The following MINDY2 variants were observed in gnomAD, a reference collection of about 807,000 sequenced individuals.
The protein encoded by MINDY2 is ubiquitin carboxyl-terminal hydrolase MINDY-2.
MINDY2 carries 52 observed loss-of-function variants against 68.2 expected under a neutral mutation model. That is an observed-to-expected ratio of 0.76 (90% CI 0.61 to 0.96). MINDY2 has a LOEUF of 0.96. Ranked by LOEUF, MINDY2 falls within the 40% of genes least tolerant of loss-of-function variation. The pLI, the probability that MINDY2 is intolerant of heterozygous loss-of-function variation, is 0.00. For missense variants in MINDY2, 881 were observed against 773.4 expected, an observed-to-expected ratio of 1.14 and a Z score of -1.65; for synonymous variants, 372 against 303.0, an observed-to-expected ratio of 1.23 and a Z score of -2.36.
intron 8 of MINDY2, 74 bp downstream of exon 8, chr15:58,852,039 C>A: frequency 3.3e-6 from 4 of 1,204,162 alleles, no homozygotes; most frequent in South Asian, 3.2e-5. Flanking sequence ...GTATTCCCAG[C>A]CCTTTGGGAG....
chr15:58,846,269 T>C (rs546383345), intron 6 of MINDY2, among the ~76,000 whole-genome samples: 1 of 152,280 alleles, frequency 6.6e-6, no homozygotes, highest in East Asian at 1.9e-4. Flanking sequence ...TTTACCCTCA[T>C]GTGATTATTA....
At chr15:58,775,080 A>G (rs1387742827) in intron 1 of MINDY2, among the ~76,000 whole-genome samples, 1 of 152,198 alleles carries the variant, frequency 6.6e-6, no homozygotes, top group Non-Finnish European at 1.5e-5. Flanking sequence ...TATTTTTATG[A>G]TAATACTAAG....
At chr15:58,837,148 G>A (rs961697140) in intron 6 of MINDY2, among the ~76,000 whole-genome samples, 1 of 152,150 alleles carries the variant, frequency 6.6e-6, no homozygotes, top group Non-Finnish European at 1.5e-5. Context: ...AGAGGATTGT[G>A]CCTTTGTTCT....
intron 5 of MINDY2, among the ~76,000 whole-genome samples, chr15:58,824,619 A>C (rs2031271455): frequency 6.6e-6 from 1 of 152,044 alleles, no homozygotes; most frequent in Admixed American, 6.6e-5. Flanking sequence ...AAAAGACCGT[A>C]ATAGACATTT....
chr15:58,779,159 T>G (rs1166479880), intron 1 of MINDY2, among the ~76,000 whole-genome samples: 1 of 151,760 alleles, frequency 6.6e-6, no homozygotes, highest in Non-Finnish European at 1.5e-5. Context: ...CCTCCCAGAG[T>G]GCTGGGATTA....
intron 6 of MINDY2, among the ~76,000 whole-genome samples, chr15:58,842,288 G>T (rs1420425653): frequency 6.6e-6 from 1 of 152,064 alleles, no homozygotes; most frequent in Non-Finnish European, 1.5e-5. Context: ...CATAAACTCA[G>T]TCAGATGGTA....
At chr15:58,847,594 A>G in intron 7 of MINDY2, 124 bp downstream of exon 7, 1 of 727,620 alleles carries the variant, frequency 1.4e-6, no homozygotes, top group South Asian at 2.7e-5. Flanking sequence ...TTTTCCTGAC[A>G]CTTCCTGAAT....
At chr15:58,810,488 T>G in intron 4 of MINDY2, 100 bp downstream of exon 4, 1 of 1,219,156 alleles carries the variant, frequency 8.2e-7, no homozygotes, top group Non-Finnish European at 1.1e-6. Flanking sequence ...TTACTTTTTT[T>G]GTACTTTTGC....
intron 6 of MINDY2, among the ~76,000 whole-genome samples, chr15:58,843,172 C>G (rs1368390897): frequency 1.3e-5 from 2 of 152,094 alleles, no homozygotes; most frequent in Admixed American, 6.6e-5. Context: ...TGTTTTGAGA[C>G]AGAGTCTCGC....
At position 58,858,640 on chromosome 15, in the gene MINDY2, A is replaced by G. The variant is rs1312092760; in HGVS notation, c.*4030A>G. 2 of 152,140 alleles carry G rather than the reference A, an allele frequency of 1.3e-5. No homozygotes were observed. Among genetic ancestry groups the G allele is most frequent in the Non-Finnish European group, 2.9e-5 (2 of 68,002 alleles). 9.4% of individuals were successfully genotyped at this position (152,140 alleles called of 1,614,324 possible). On this transcript the variant is annotated 3_prime_UTR_variant, in exon 9 of 9. Transcript: ENST00000559228. Reference sequence around the variant, plus strand: ...GCTCATTTATTTAAGTTTTGTTAAAAAGCAAAAGCGAATTGATTACATTTG... The same window carrying G: ...GCTCATTTATTTAAGTTTTGTTAAAGAGCAAAAGCGAATTGATTACATTTG...
Position 58,856,929 on chromosome 15 carries a change from A to G in MINDY2, c.*2319A>G, listed in dbSNP as rs1193195584. ...TTACTATCTTCTTAATTTGTTCCAA[A>G]GAAAATGCTGCCATACTGCATTCCC... On this transcript the variant is annotated 3_prime_UTR_variant, in exon 9 of 9. Coordinates refer to ENST00000559228, the MANE Select transcript of MINDY2 (RefSeq NM_001040450.3). 1 of 152,246 alleles carries G rather than the reference A, an allele frequency of 6.6e-6. No homozygotes were observed. Among genetic ancestry groups the G allele is most frequent in the Non-Finnish European group, 1.5e-5 (1 of 68,040 alleles). The allele number at this position is 152,246 out of a possible 1,614,324, so 9.4% of individuals were successfully genotyped here. A position where few individuals can be genotyped will look rare whatever the true frequency, so the allele number is the denominator to read the frequency against.
At chr15:58,833,056 C>T (rs1325867507) in intron 6 of MINDY2, among the ~76,000 whole-genome samples, 1 of 152,052 alleles carries the variant, frequency 6.6e-6, no homozygotes, top group Non-Finnish European at 1.5e-5. Context: ...CTGTTTTACT[C>T]TTTTTATCTC....
At chr15:58,847,619 C>G (rs1444124585) in intron 7 of MINDY2, 149 bp downstream of exon 7, 4 of 595,744 alleles carry the variant, frequency 6.7e-6, no homozygotes, top group Non-Finnish European at 1.1e-5. Context: ...GGTGATCATT[C>G]TACATGTACA....
chr15:58,805,096 C>G (rs1372243118), intron 3 of MINDY2, among the ~76,000 whole-genome samples: 1 of 152,176 alleles, frequency 6.6e-6, no homozygotes, highest in East Asian at 1.9e-4. Context: ...AATATTGGCT[C>G]AAAGTTGAAA....
intron 4 of MINDY2, among the ~76,000 whole-genome samples, chr15:58,815,914 G>A (rs1005199606): frequency 4.6e-5 from 7 of 152,024 alleles, no homozygotes; most frequent in Admixed American, 1.3e-4. Context: ...TCTTGACCTC[G>A]TGATCCGTCT....
rs1330449279 is a variant in MINDY2 at position 58,857,913 on chromosome 15, A to G, written c.*3303A>G. On this transcript the variant is annotated 3_prime_UTR_variant, in exon 9 of 9. Transcript: ENST00000559228. ...TTAGTAACCAGTCTTTATTAAAAAT[A>G]TAAAATTTTTCTTCATGTCTAATCC... The G allele has an allele frequency of 6.6e-6, 1 of 152,156 alleles. No homozygotes were observed. Among genetic ancestry groups the G allele is most frequent in the Non-Finnish European group, 1.5e-5 (1 of 68,042 alleles). 9.4% of individuals were successfully genotyped at this position (152,156 alleles called of 1,614,324 possible). A position where few individuals can be genotyped will look rare whatever the true frequency, so the allele number is the denominator to read the frequency against.
intron 8 of MINDY2, among the ~76,000 whole-genome samples, chr15:58,854,122 T>C (rs2032965486): frequency 6.6e-6 from 1 of 151,884 alleles, no homozygotes; most frequent in African/African-American, 2.4e-5. Flanking sequence ...CAGGTGCCTG[T>C]AATCCTAGCT....
At chr15:58,827,873 T>C (rs570273673) in intron 5 of MINDY2, among the ~76,000 whole-genome samples, 1 of 152,310 alleles carries the variant, frequency 6.6e-6, no homozygotes, top group African/African-American at 2.4e-5. Flanking sequence ...TCCTCATCTT[T>C]ACTTAAGCAC....
chr15:58,841,100 G>A (rs1326217398), intron 6 of MINDY2, among the ~76,000 whole-genome samples: 1 of 151,440 alleles, frequency 6.6e-6, no homozygotes, highest in South Asian at 2.1e-4. Flanking sequence ...TCATGCCTCA[G>A]ACTCCTGAGT....
Sources: allele counts gnomAD v4.1 joint callset (sites outside exome capture counted in the v4.1 genomes callset), GRCh38; gene constraint gnomAD v4.1.1; transcripts MANE v1.5; gene names NCBI Gene and HGNC (gene_info 2026-07-23, HGNC 2026-07-21).